Variants in MYO18B observed in about 807,000 individuals in gnomAD.
MYO18B encodes the protein unconventional myosin-XVIIIb.
MYO18B carries 204 observed loss-of-function variants against 273.0 expected under a neutral mutation model. The observed-to-expected ratio is 0.75, with a 90% CI of 0.67 to 0.84. MYO18B has a LOEUF of 0.84. Ranked by LOEUF, MYO18B falls within the 40% of genes least tolerant of loss-of-function variation. MYO18B has a pLI of 0.00. For synonymous variants in MYO18B, 1,330 were observed against 1,305.7 expected (o/e 1.02, Z -0.40); for missense variants, 3,212 against 3,287.6 (o/e 0.98, Z 0.56).
Position 25,832,990 on chromosome 22 carries a change from C to T in MYO18B, c.3053C>T (p.Pro1018Leu), listed in dbSNP as rs753198702. 5 of 1,613,668 alleles carry T rather than the reference C, an allele frequency of 3.1e-6. No individual in the cohort carries two copies. Among genetic ancestry groups the T allele is most frequent in the African/African-American group, 1.3e-5 (1 of 74,850 alleles). The change falls in exon 16 of 44, where the codon CCC becomes CTC. Residue 1018 changes from proline (P) to leucine (L), a missense_variant. Physicochemically the swap from Pro to Leu is moderately conservative, Grantham distance 98. Coordinates refer to ENST00000335473, the MANE Select transcript of MYO18B (RefSeq NM_032608.7). ...GTTVAVVDQN[P>L]SQVRLPAGGG... ...ACCGTGGCTGTTGTGGATCAAAATCCCTCTCAGGTAACACAGGGCCCAGCC... is the reference window on the plus strand; with the variant it reads ...ACCGTGGCTGTTGTGGATCAAAATCTCTCTCAGGTAACACAGGGCCCAGCC...
At chr22:25,910,599 G>A (rs181415415) in intron 32 of MYO18B, among the ~76,000 whole-genome samples, 70 of 152,246 alleles carry the variant, frequency 4.6e-4, no homozygotes, top group African/African-American at 1.7e-3. Flanking sequence ...TTATAATATT[G>A]TTCAGAGCCT....
At position 25,904,500 on chromosome 22, in the gene MYO18B, C is replaced by T. The variant is rs2092000847; in HGVS notation, c.5148+669C>T. Among the ~76,000 whole-genome samples the T allele has an allele frequency of 2.0e-5, 3 of 152,146 alleles. 1 individual carries two copies. In the South Asian group the frequency reaches 6.2e-4, roughly 32 times the overall value. ...GGGATTTGGAACCTGTGTCATCTGA[C>T]CCCACACTGCCTCGAATGTCTGCTA... On this transcript the variant is annotated intron_variant, in intron 31 of 43. Coordinates refer to ENST00000335473, the MANE Select transcript of MYO18B (RefSeq NM_032608.7).
At chr22:25,923,394 C>A (rs2146456097) in intron 34 of MYO18B, among the ~76,000 whole-genome samples, 1 of 152,308 alleles carries the variant, frequency 6.6e-6, no homozygotes, top group African/African-American at 2.4e-5. Context: ...GTCAGGAAGC[C>A]AGTATCACCT....
chr22:25,884,331 T>G (rs2091433757), intron 25 of MYO18B, among the ~76,000 whole-genome samples: 1 of 152,218 alleles, frequency 6.6e-6, no homozygotes, highest in Admixed American at 6.5e-5. Context: ...CCAGGTCTCC[T>G]GACTCCTCGC....
At chr22:26,026,318 G>C in intron 42 of MYO18B, 127 bp from the exon 43 acceptor site, 1 of 1,074,380 alleles carries the variant, frequency 9.3e-7, no homozygotes, top group East Asian at 2.4e-5. Flanking sequence ...TCATTTGAGA[G>C]TGCGGTAGGG....
Position 25,769,230 on chromosome 22 carries a change from A to G in MYO18B, c.1314A>G (p.Pro438=), listed in dbSNP as rs1209705116. 5.0e-6 allele frequency: 8 copies of G among 1,601,260 alleles called. No homozygotes were observed. Among genetic ancestry groups the G allele is most frequent in the Non-Finnish European group, 6.8e-6 (8 of 1,174,182 alleles). Residue 438 remains proline (P), a synonymous_variant, in exon 4 of 44, where the codon CCA becomes CCG. Coordinates refer to ENST00000335473, the MANE Select transcript of MYO18B (RefSeq NM_032608.7). ...CAGCTCCTGGGAAGGGAGGCTGGCC[A>G]GGAAGCCGTGGGCAGGAAGCAGAGG... ...SPAAPGKGGW[P]GSRGQEAEEP... is the part of the protein sequence containing the mutation.
intron 25 of MYO18B, among the ~76,000 whole-genome samples, chr22:25,879,608 A>G (rs1046635957): frequency 1.3e-5 from 2 of 152,166 alleles, no homozygotes; most frequent in Non-Finnish European, 2.9e-5. Flanking sequence ...GGGGGTGACT[A>G]CATGAATCAG....
At chr22:25,775,887 A>AC (rs544399747) in intron 7 of MYO18B, among the ~76,000 whole-genome samples, 1 of 149,382 alleles carries the variant, frequency 6.7e-6, no homozygotes. Context: ...AGGGACTTAA[A>AC]AAAAAAAAAA....
At chr22:25,833,127 C>T (rs41304439) in intron 16 of MYO18B, 130 bp downstream of exon 16, 331 of 806,698 alleles carry the variant, frequency 4.1e-4, no homozygotes, top group Non-Finnish European at 6.2e-4. Context: ...GGATCATTGG[C>T]AACGTGGATG....
chr22:25,742,776 TA>T (rs1474496786), intron 1 of MYO18B, among the ~76,000 whole-genome samples: 1 of 152,222 alleles, frequency 6.6e-6, no homozygotes, highest in East Asian at 1.9e-4. Flanking sequence ...TGTTCTTTTT[TA>T]AACTGCAAAT....
chr22:26,010,680 T>C (rs1383493698), intron 42 of MYO18B, among the ~76,000 whole-genome samples: 1 of 152,084 alleles, frequency 6.6e-6, no homozygotes, highest in Non-Finnish European at 1.5e-5. Context: ...CTGTCCTTCA[T>C]CCCAGAGCAG....
chr22:25,806,055 C>A lies in MYO18B; in HGVS notation c.2521+7958C>A, dbSNP rs144473649. Among the ~76,000 whole-genome samples the A allele has an allele frequency of 9.8e-5, 15 of 152,312 alleles. No individual in the cohort carries two copies. In the East Asian group the frequency reaches 2.7e-3, roughly 27 times the overall value. On this transcript the variant is annotated intron_variant, in intron 12 of 43. Coordinates refer to ENST00000335473, the MANE Select transcript of MYO18B (RefSeq NM_032608.7). The stretch of plus-strand genomic sequence containing the variant: ...AGTACAGAGGTCTTGTCTGATTCTG[C>A]TCATCGTTGCATCCCCAGGGCCTAG...
chr22:25,864,368 G>T lies in MYO18B; in HGVS notation c.3886-3952G>T, dbSNP rs534873620. Among the ~76,000 whole-genome samples, 18 of 152,274 alleles carry T rather than the reference G, an allele frequency of 1.2e-4. No individual in the cohort carries two copies. The East Asian group carries it at 3.3e-3, about 28-fold the overall frequency. The stretch of plus-strand genomic sequence containing the variant: ...TTTATCTTGTTTTGGGGGGAGGGGA[G>T]AGGATTTATTAAGCTCCTTCCTCCA... On this transcript the variant is annotated intron_variant, in intron 21 of 43. Transcript: ENST00000335473.
At chr22:25,823,427 C>T (rs1385114053) in intron 12 of MYO18B, 78 bp from the exon 13 acceptor site, 1 of 1,454,588 alleles carries the variant, frequency 6.9e-7, no homozygotes, top group Non-Finnish European at 9.3e-7. Flanking sequence ...TGCTGAGATT[C>T]TCCGAGGTCC....
At chr22:26,045,445 A>G in the MYO18B span, among the ~76,000 whole-genome samples, 1 of 152,210 alleles carries the variant, frequency 6.6e-6, no homozygotes, top group Non-Finnish European at 1.5e-5. Flanking sequence ...TACCTATTAT[A>G]TGAAATGAGG....
chr22:25,780,663 T>C, intron 9 of MYO18B, among the ~76,000 whole-genome samples: 1 of 139,030 alleles, frequency 7.2e-6, no homozygotes, highest in East Asian at 2.2e-4. Context: ...AATAAAATAA[T>C]GAAATGGTCA....
At chr22:25,765,582 C>T (rs2145567104) in intron 3 of MYO18B, among the ~76,000 whole-genome samples, 1 of 152,290 alleles carries the variant, frequency 6.6e-6, no homozygotes, top group Non-Finnish European at 1.5e-5. Context: ...GTGGTCCTGG[C>T]TAAACCCCTT....
intron 34 of MYO18B, among the ~76,000 whole-genome samples, chr22:25,923,643 G>A (rs1363753636): frequency 6.6e-6 from 1 of 152,168 alleles, no homozygotes; most frequent in East Asian, 1.9e-4. Context: ...GGCTGACCAG[G>A]TGGGTACGGA....
intron 12 of MYO18B, among the ~76,000 whole-genome samples, chr22:25,816,591 G>A (rs375804540): frequency 2.0e-5 from 3 of 151,590 alleles, no homozygotes; most frequent in East Asian, 3.9e-4. Flanking sequence ...AGAACATGTG[G>A]TGTTTGGTTT....
Sources: gnomAD v4.1 joint callset for allele counts (sites outside exome capture counted in the v4.1 genomes callset) on GRCh38, gnomAD v4.1.1 for gene constraint, MANE v1.5 for transcripts, NCBI Gene and HGNC (gene_info 2026-07-23, HGNC 2026-07-21) for gene names.